The following TSHZ2 variants were observed in gnomAD, a reference collection of about 807,000 sequenced individuals.
The protein encoded by TSHZ2 is teashirt homolog 2.
TSHZ2 carries 21 observed loss-of-function variants against 74.4 expected under a neutral mutation model. The observed-to-expected ratio is 0.28, with a 90% confidence interval of 0.20 to 0.41. The LOEUF (loss-of-function observed/expected upper bound fraction) is 0.41, where lower values mean the gene tolerates loss of function less well. TSHZ2 is among the 10% of genes least tolerant of loss of function. The pLI is 1.00. For missense variants in TSHZ2, 1,244 were observed against 1,293.5 expected, an observed-to-expected ratio of 0.96 and a Z score of 0.59; for synonymous variants, 540 against 515.3, an observed-to-expected ratio of 1.05 and a Z score of -0.65.
chr20:53,256,665 G>A lies in TSHZ2; in HGVS notation c.*8+94G>A, dbSNP rs957447106. ...TTAGAGGCAGCTAGCATCTCCCAATGCCAAGCAGGATAGTAGCTTGCTGGA... is the reference window on the plus strand; with the variant it reads ...TTAGAGGCAGCTAGCATCTCCCAATACCAAGCAGGATAGTAGCTTGCTGGA... On this transcript the variant is annotated intron_variant, in intron 2 of 2. Coordinates refer to ENST00000371497, the MANE Select transcript of TSHZ2 (RefSeq NM_173485.6). The surrounding 1 kb of genome is among the most constrained non-coding windows in gnomAD (Gnocchi z 4.3). 48 of 1,473,896 alleles carry A rather than the reference G, an allele frequency of 3.3e-5. No individual in the cohort carries two copies. Among genetic ancestry groups the A allele is most frequent in the Non-Finnish European group, 3.3e-5 (37 of 1,111,382 alleles). 91.3% of individuals were successfully genotyped at this position (1,473,896 alleles called of 1,614,324 possible).
At chr20:53,038,171 G>A (rs947037541) in intron 1 of TSHZ2, among the ~76,000 whole-genome samples, 1 of 113,198 alleles carries the variant, frequency 8.8e-6, no homozygotes, top group East Asian at 3.1e-4. Flanking sequence ...CAGCCTGGGC[G>A]ACAAGAGCGG....
chr20:53,246,422 G>C (rs1311947498), intron 1 of TSHZ2, among the ~76,000 whole-genome samples: 1 of 152,150 alleles, frequency 6.6e-6, no homozygotes, highest in Non-Finnish European at 1.5e-5. Context: ...CAGTCTAGCT[G>C]AGTATACATG....
rs1036509460 is a variant in TSHZ2, at chr20:53,255,023, A to C, written c.1565A>C (p.Asn522Thr). 3.1e-6 allele frequency: 5 copies of C among 1,614,042 alleles called. No individual in the cohort carries two copies. The African/African-American group carries it at 6.7e-5, about 22-fold the overall frequency. The stretch of plus-strand genomic sequence containing the variant: ...GGGGACATTTTGAAATCTTTGGAAA[A>C]TACTGTCACCACAGCCATCAACAAA... ...GGGDILKSLE[N>T]TVTTAINKAQ... Residue 522 changes from asparagine to threonine, a missense_variant, in exon 2 of 3, where the codon AAT becomes ACT. Asn to Thr is a moderately conservative substitution (Grantham distance 65). This residue lies in a region of TSHZ2 where 562 missense variants were observed against 544.0 expected (regional missense o/e 1.03). Transcript: ENST00000371497. The surrounding 1 kb of genome is among the most constrained non-coding windows in gnomAD (Gnocchi z 4.1).
chr20:53,067,065 C>T (rs1163373901), intron 1 of TSHZ2, among the ~76,000 whole-genome samples: 2 of 152,164 alleles, frequency 1.3e-5, no homozygotes, highest in Admixed American at 6.5e-5. Flanking sequence ...CATAGTAGAG[C>T]GTGATTCTGC....
chr20:53,147,635 TTTTG>T (rs1311172685), intron 1 of TSHZ2, among the ~76,000 whole-genome samples: 1 of 152,244 alleles, frequency 6.6e-6, no homozygotes, highest in African/African-American at 2.4e-5. Flanking sequence ...TAAGATTTCT[TTTTG>T]TTTGTTTTAA....
chr20:53,029,213 C>T (rs923593263), intron 1 of TSHZ2, among the ~76,000 whole-genome samples: 3 of 152,122 alleles, frequency 2.0e-5, no homozygotes, highest in African/African-American at 7.2e-5. Context: ...TTATAATTCC[C>T]TCGTTTTCCT....
chr20:53,351,402 T>C (rs915793375), intron 2 of TSHZ2, among the ~76,000 whole-genome samples: 3 of 152,166 alleles, frequency 2.0e-5, no homozygotes, highest in African/African-American at 4.8e-5. Flanking sequence ...AAAGAATCTA[T>C]GATGGAGAAA....
chr20:53,320,234 T>C (rs569029508), intron 2 of TSHZ2, among the ~76,000 whole-genome samples: 1 of 152,296 alleles, frequency 6.6e-6, no homozygotes, highest in African/African-American at 2.4e-5. Flanking sequence ...AAGGTTGGTG[T>C]ATTATTTTCC....
chr20:52,982,267 G>T (rs1243882168), intron 1 of TSHZ2, among the ~76,000 whole-genome samples: 1 of 152,164 alleles, frequency 6.6e-6, no homozygotes, highest in African/African-American at 2.4e-5. Flanking sequence ...AGCTCTTCCT[G>T]CTTCCAAAGT....
chr20:53,058,522 G>A (rs540317342), intron 1 of TSHZ2, among the ~76,000 whole-genome samples: 3 of 152,298 alleles, frequency 2.0e-5, no homozygotes, highest in South Asian at 4.2e-4. Flanking sequence ...GGGCCCTTCT[G>A]AGCATGGGGC....
intron 2 of TSHZ2, among the ~76,000 whole-genome samples, chr20:53,468,775 A>G (rs1985642716): frequency 6.6e-6 from 1 of 151,006 alleles, no homozygotes; most frequent in Non-Finnish European, 1.5e-5. Context: ...GTCATGAAAC[A>G]TACATCATGC....
At chr20:53,284,802 A>G (rs1318483485) in intron 2 of TSHZ2, among the ~76,000 whole-genome samples, 1 of 150,630 alleles carries the variant, frequency 6.6e-6, no homozygotes, top group Admixed American at 6.7e-5. Context: ...GAGGAACTCT[A>G]CTGTCTTCTT....
At chr20:53,277,304 C>A (rs1471303073) in intron 2 of TSHZ2, among the ~76,000 whole-genome samples, 3 of 152,142 alleles carry the variant, frequency 2.0e-5, no homozygotes, top group African/African-American at 7.2e-5. Context: ...TTATCAAAAT[C>A]TTTTATTTAT....
chr20:53,462,059 C>T (rs1476251006), intron 2 of TSHZ2, among the ~76,000 whole-genome samples: 2 of 151,770 alleles, frequency 1.3e-5, no homozygotes, highest in Non-Finnish European at 2.9e-5. Flanking sequence ...TAAAGAAACC[C>T]TGTCTCTACT....
chr20:53,280,013 T>C (rs1334940153), intron 2 of TSHZ2, among the ~76,000 whole-genome samples: 1 of 152,170 alleles, frequency 6.6e-6, no homozygotes, highest in Non-Finnish European at 1.5e-5. Context: ...ACAGACTCAA[T>C]TGTGCAGGCC....
At chr20:53,460,832 T>TG (rs1334763767) in intron 2 of TSHZ2, among the ~76,000 whole-genome samples, 1 of 152,286 alleles carries the variant, frequency 6.6e-6, no homozygotes, top group Non-Finnish European at 1.5e-5. Context: ...GTGCCCCTGC[T>TG]GGGGGGTGCC....
intron 1 of TSHZ2, among the ~76,000 whole-genome samples, chr20:53,039,696 C>T (rs1041531756): frequency 9.2e-5 from 14 of 152,062 alleles, no homozygotes; most frequent in African/African-American, 3.1e-4. Context: ...ATGAGAATTG[C>T]TTGAACCTGG....
At chr20:53,469,689 G>C (rs1386919142) in intron 2 of TSHZ2, among the ~76,000 whole-genome samples, 1 of 99,648 alleles carries the variant, frequency 1.0e-5, no homozygotes, top group African/African-American at 4.0e-5. Context: ...AGGAAGGACG[G>C]ACCCAAGAAA....
intron 2 of TSHZ2, among the ~76,000 whole-genome samples, chr20:53,278,410 A>G (rs1204576646): frequency 1.3e-5 from 2 of 151,506 alleles, no homozygotes; most frequent in Non-Finnish European, 1.5e-5. Context: ...TCTTGATTGG[A>G]CCTCCATGAT....
Sources: allele counts gnomAD v4.1 joint callset (sites outside exome capture counted in the v4.1 genomes callset), GRCh38; gene constraint gnomAD v4.1.1; regional missense constraint gnomAD v4.1.1; non-coding constraint Gnocchi (gnomAD v3.1); transcripts MANE v1.5; gene names NCBI Gene and HGNC (gene_info 2026-07-23, HGNC 2026-07-21).